Variants in OSBPL6 observed in about 807,000 individuals in gnomAD.
OSBPL6 encodes oxysterol-binding protein-related protein 6.
OSBPL6 carries 49 observed loss-of-function variants against 125.8 expected under a neutral mutation model. The observed-to-expected ratio is 0.39, with a 90% confidence interval of 0.31 to 0.49. OSBPL6 has a LOEUF of 0.49. Among genes scored for constraint, OSBPL6 ranks in the 20% least tolerant of loss-of-function variants. The pLI is 0.88. For synonymous variants in OSBPL6, 394 were observed against 391.8 expected, an observed-to-expected ratio of 1.01 and a Z score of -0.07; for missense variants, 986 against 1,135.4, an observed-to-expected ratio of 0.87 and a Z score of 1.89.
intron 1 of OSBPL6, among the ~76,000 whole-genome samples, chr2:178,271,818 C>T (rs992228603): frequency 7.2e-5 from 11 of 152,180 alleles, no homozygotes; most frequent in African/African-American, 1.9e-4. Context: ...CCAATAGATA[C>T]TAGAAATGTG....
chr2:178,330,176 C>T (rs1689074905), intron 5 of OSBPL6, among the ~76,000 whole-genome samples: 1 of 152,102 alleles, frequency 6.6e-6, no homozygotes, highest in Non-Finnish European at 1.5e-5. Context: ...TTATGATATG[C>T]TATAGGTGAT....
intron 12 of OSBPL6, among the ~76,000 whole-genome samples, chr2:178,358,837 G>A (rs1345678346): frequency 6.6e-6 from 1 of 151,994 alleles, no homozygotes; most frequent in Non-Finnish European, 1.5e-5. Flanking sequence ...AAAGAAAAAG[G>A]TAACCTACAG....
At chr2:178,200,246 CCTTTT>C (rs1273086973) in intron 1 of OSBPL6, among the ~76,000 whole-genome samples, 2 of 133,600 alleles carry the variant, frequency 1.5e-5, no homozygotes, top group Non-Finnish European at 3.2e-5. Flanking sequence ...TTTCTTCAGA[CCTTTT>C]TTTTTTTTTT....
At chr2:178,213,799 C>A (rs918301305) in intron 1 of OSBPL6, among the ~76,000 whole-genome samples, 2 of 152,174 alleles carry the variant, frequency 1.3e-5, no homozygotes, top group East Asian at 1.9e-4. Context: ...TGCTTGAATT[C>A]ATGTAGATGG....
Position 178,217,058 on chromosome 2 carries a change from G to A in OSBPL6, c.-351+22384G>A, listed in dbSNP as rs2153965020. Among the ~76,000 whole-genome samples the A allele has an allele frequency of 1.3e-5, 2 of 152,322 alleles. 1 individual carries two copies. The highest frequency in any genetic ancestry group is 4.1e-4 in the South Asian group (2 of 4,824). ...AATATTCTATTAGCATTCAGTCACT[G>A]ATTGAGCTAGTCAGATGATTATTAT... is the stretch of plus-strand genomic sequence containing the variant. On this transcript the variant is annotated intron_variant, in intron 1 of 24. Coordinates refer to ENST00000190611, the MANE Select transcript of OSBPL6 (RefSeq NM_032523.4).
chr2:178,391,234 T>G lies in OSBPL6; in HGVS notation c.2446+17T>G, dbSNP rs1323330233. On this transcript the variant is annotated intron_variant, in intron 22 of 24. Transcript: ENST00000190611. ...GGAGACCAGGTGAGAGTGGCCTGAG[T>G]GTTCTGCCAACAGGAGGGCACTATG... is the stretch of plus-strand genomic sequence containing the variant. 1.3e-6 allele frequency: 2 copies of G among 1,582,368 alleles called. No individual in the cohort carries two copies. The highest frequency in any genetic ancestry group is 1.7e-6 in the Non-Finnish European group (2 of 1,165,770).
At chr2:178,298,263 T>A (rs1685938620) in intron 2 of OSBPL6, among the ~76,000 whole-genome samples, 1 of 152,248 alleles carries the variant, frequency 6.6e-6, no homozygotes. Context: ...AACCCTTTTT[T>A]AAATATATTC....
chr2:178,393,121 G>A (rs1055231278), intron 23 of OSBPL6, among the ~76,000 whole-genome samples: 5 of 152,088 alleles, frequency 3.3e-5, no homozygotes, highest in Admixed American at 2.0e-4. Context: ...ATTTACCAAA[G>A]GTCTGTAAAT....
intron 3 of OSBPL6, chr2:178,320,249 A>G: frequency 6.2e-7 from 1 of 1,603,492 alleles, no homozygotes. Context: ...GCACATTTCC[A>G]CTTGCTGCTC....
chr2:178,377,853 G>A (rs1310097414), intron 15 of OSBPL6, among the ~76,000 whole-genome samples: 2 of 152,018 alleles, frequency 1.3e-5, no homozygotes, highest in Non-Finnish European at 2.9e-5. Flanking sequence ...TTTTGAGACA[G>A]AGTCTCATTC....
At chr2:178,355,626 A>G (rs1691710895) in intron 12 of OSBPL6, among the ~76,000 whole-genome samples, 1 of 152,212 alleles carries the variant, frequency 6.6e-6, no homozygotes, top group South Asian at 2.1e-4. Flanking sequence ...GTACAGGACC[A>G]GATGGATTCA....
At chr2:178,323,289 T>G (rs190627143) in intron 3 of OSBPL6, among the ~76,000 whole-genome samples, 1 of 152,234 alleles carries the variant, frequency 6.6e-6, no homozygotes, top group Admixed American at 6.5e-5. Context: ...GTTTTACATG[T>G]GTTAACTATT....
At chr2:178,305,379 T>G (rs1350355568) in intron 2 of OSBPL6, among the ~76,000 whole-genome samples, 1 of 152,170 alleles carries the variant, frequency 6.6e-6, no homozygotes, top group African/African-American at 2.4e-5. Flanking sequence ...GTAAAAAAAT[T>G]GAAGTGGCTG....
At chr2:178,297,351 A>G (rs960905361) in intron 2 of OSBPL6, among the ~76,000 whole-genome samples, 1 of 152,210 alleles carries the variant, frequency 6.6e-6, no homozygotes, top group Non-Finnish European at 1.5e-5. Flanking sequence ...TAATCCCAAC[A>G]CTTTGGGAGG....
chr2:178,345,749 A>G (rs1559273387), intron 11 of OSBPL6, among the ~76,000 whole-genome samples: 1 of 152,366 alleles, frequency 6.6e-6, no homozygotes, highest in East Asian at 1.9e-4. Context: ...CCATCATTTT[A>G]TGAAAACACT....
intron 11 of OSBPL6, chr2:178,344,506 G>A: frequency 1.4e-6 from 1 of 709,164 alleles, no homozygotes. Flanking sequence ...CATGTTCTCT[G>A]GCTGTCTTTG....
intron 13 of OSBPL6, 98 bp downstream of exon 13, chr2:178,361,913 A>G (rs975702844): frequency 6.8e-7 from 1 of 1,462,290 alleles, no homozygotes; most frequent in African/African-American, 1.4e-5. Context: ...GTGGCTAGTC[A>G]TGGGGATAGT....
At chr2:178,304,250 A>C (rs1236181838) in intron 2 of OSBPL6, among the ~76,000 whole-genome samples, 1 of 152,160 alleles carries the variant, frequency 6.6e-6, no homozygotes, top group Non-Finnish European at 1.5e-5. Context: ...GCTGCTAATA[A>C]AGACATACCC....
chr2:178,307,623 T>G (rs1686891720), intron 3 of OSBPL6, among the ~76,000 whole-genome samples: 1 of 152,118 alleles, frequency 6.6e-6, no homozygotes, highest in African/African-American at 2.4e-5. Flanking sequence ...ATTAAATAAC[T>G]ACTATATTCT....
Sources: allele counts gnomAD v4.1 joint callset (sites outside exome capture counted in the v4.1 genomes callset), GRCh38; gene constraint gnomAD v4.1.1; transcripts MANE v1.5; gene names NCBI Gene and HGNC (gene_info 2026-07-23, HGNC 2026-07-21).